Variants in DOCK5 observed in about 807,000 individuals in gnomAD.
DOCK5 encodes dedicator of cytokinesis protein 5.
DOCK5 carries 142 observed loss-of-function variants against 251.8 expected under a neutral mutation model. The ratio of observed to expected loss-of-function variants is 0.56; its 90% CI spans 0.49 to 0.65. The LOEUF is 0.65. DOCK5 is among the 30% of genes least tolerant of loss of function. DOCK5 has a pLI of 0.00. For synonymous variants in DOCK5, 842 were observed against 835.5 expected (o/e 1.01, Z -0.13); for missense variants, 2,111 against 2,312.3 (o/e 0.91, Z 1.79).
intron 42 of DOCK5, among the ~76,000 whole-genome samples, chr8:25,390,782 A>G (rs1465438609): frequency 6.6e-6 from 1 of 151,798 alleles, no homozygotes; most frequent in East Asian, 2.0e-4. Flanking sequence ...TAATGAGATC[A>G]CAAATGTATG....
intron 29 of DOCK5, 89 bp from the exon 30 acceptor site, chr8:25,364,537 G>C: frequency 1.1e-6 from 1 of 905,586 alleles, no homozygotes; most frequent in Non-Finnish European, 1.7e-6. Context: ...CCAAGTTCAG[G>C]TTTGGTTTGG....
chr8:25,314,259 G>T (rs1270086176), intron 13 of DOCK5, among the ~76,000 whole-genome samples: 1 of 151,522 alleles, frequency 6.6e-6, no homozygotes, highest in East Asian at 1.9e-4. Flanking sequence ...CTACAAGCAT[G>T]AGCCACCACA....
intron 29 of DOCK5, among the ~76,000 whole-genome samples, chr8:25,363,844 C>G: frequency 6.6e-6 from 1 of 152,254 alleles, no homozygotes; most frequent in East Asian, 1.9e-4. Context: ...AGCATTCCAG[C>G]TATTCCATAA....
chr8:25,328,402 T>TCAGGGAAAATGGGGTATTC (rs1805611545), intron 18 of DOCK5, among the ~76,000 whole-genome samples: 2 of 152,168 alleles, frequency 1.3e-5, no homozygotes, highest in African/African-American at 4.8e-5. Flanking sequence ...ATCACGAGCA[T>TCAGGGAAAATGGGGTATTC]CAGGGAAAAT....
At chr8:25,304,148 C>T in intron 10 of DOCK5, 107 bp from the exon 11 acceptor site, 1 of 935,078 alleles carries the variant, frequency 1.1e-6, no homozygotes, top group Non-Finnish European at 1.6e-6. Context: ...CTGCTTAGTA[C>T]CTTTCTTCCT....
intron 1 of DOCK5, among the ~76,000 whole-genome samples, chr8:25,219,087 C>A (rs948932009): frequency 1.3e-5 from 2 of 152,102 alleles, no homozygotes; most frequent in African/African-American, 4.8e-5. Flanking sequence ...TACTGACTTC[C>A]GCTATCTGTT....
chr8:25,230,927 A>T (rs1391649418), intron 1 of DOCK5, among the ~76,000 whole-genome samples: 8 of 152,172 alleles, frequency 5.3e-5, no homozygotes, highest in African/African-American at 1.9e-4. Flanking sequence ...AAGTACCTAC[A>T]TATCCCTGTC....
chr8:25,319,732 ATC>A, intron 15 of DOCK5, 56 bp downstream of exon 15: 1 of 1,316,514 alleles, frequency 7.6e-7, no homozygotes, highest in Non-Finnish European at 1.1e-6. Context: ...TTAGATTCCT[ATC>A]TTCTGTTTAC....
intron 36 of DOCK5, among the ~76,000 whole-genome samples, chr8:25,373,923 G>A (rs930261264): frequency 6.6e-6 from 1 of 152,212 alleles, no homozygotes; most frequent in African/African-American, 2.4e-5. Context: ...AGGAGAGGCT[G>A]TACAGGAAGA....
chr8:25,282,911 T>TTCTATA (rs1425823324), intron 5 of DOCK5, among the ~76,000 whole-genome samples: 1 of 147,240 alleles, frequency 6.8e-6, no homozygotes, highest in African/African-American at 2.5e-5. Context: ...AATCCCACAT[T>TTCTATA]TCTATAGTAC....
At chr8:25,311,102 C>G (rs574729453) in intron 13 of DOCK5, among the ~76,000 whole-genome samples, 20 of 152,146 alleles carry the variant, frequency 1.3e-4, no homozygotes, top group Non-Finnish European at 2.8e-4. Flanking sequence ...CATCTTCTTT[C>G]TAGTGATCTG....
At chr8:25,331,801 TAGAGAGAGAGAG>T (rs59239520) in intron 18 of DOCK5, among the ~76,000 whole-genome samples, 70,554 of 118,458 alleles carry the variant, frequency 0.6, 21,683 homozygotes, top group Non-Finnish European at 0.7. Flanking sequence ...TATATATATA[TAGAGAGAGAGAG>T]AGAGAGAGAG....
intron 3 of DOCK5, among the ~76,000 whole-genome samples, chr8:25,273,867 G>A (rs1232859327): frequency 6.6e-6 from 1 of 152,130 alleles, no homozygotes; most frequent in Non-Finnish European, 1.5e-5. Flanking sequence ...AATGAAAGAG[G>A]TCATTGTCAC....
intron 5 of DOCK5, among the ~76,000 whole-genome samples, chr8:25,283,556 T>G (rs1391034699): frequency 6.6e-6 from 1 of 152,204 alleles, no homozygotes; most frequent in Non-Finnish European, 1.5e-5. Context: ...AGCATGTGCT[T>G]TTGATGTTAT....
chr8:25,323,986 C>G (rs374249442), intron 17 of DOCK5, 35 bp downstream of exon 17: 4 of 1,551,116 alleles, frequency 2.6e-6, no homozygotes, highest in Non-Finnish European at 3.5e-6. Context: ...GAAAAATACT[C>G]CCTTTCAAAT....
At chr8:25,189,385 G>C (rs1299690243) in intron 1 of DOCK5, among the ~76,000 whole-genome samples, 1 of 151,874 alleles carries the variant, frequency 6.6e-6, no homozygotes, top group East Asian at 1.9e-4. Context: ...TTCTGAGACA[G>C]GGTCTCGTTC....
intron 26 of DOCK5, among the ~76,000 whole-genome samples, chr8:25,345,893 A>G (rs1200687610): frequency 1.3e-5 from 2 of 151,876 alleles, no homozygotes; most frequent in African/African-American, 4.8e-5. Flanking sequence ...TCTGTCGCCC[A>G]GGCTGGAGTG....
intron 1 of DOCK5, among the ~76,000 whole-genome samples, chr8:25,242,943 A>G (rs892745858): frequency 6.6e-5 from 10 of 152,320 alleles, no homozygotes; most frequent in Non-Finnish European, 8.8e-5. Context: ...ACTAGAGATC[A>G]TCAGTTCCGT....
chr8:25,254,773 C>CGAAAAAA (rs1803367911), intron 2 of DOCK5, among the ~76,000 whole-genome samples: 1 of 6,560 alleles, frequency 1.5e-4, no homozygotes, highest in Non-Finnish European at 2.8e-4. Context: ...GACTTTGTCT[C>CGAAAAAA]AAAAAAAAAC....
Sources: gnomAD v4.1 joint callset for allele counts (sites outside exome capture counted in the v4.1 genomes callset) on GRCh38, gnomAD v4.1.1 for gene constraint, MANE v1.5 for transcripts, NCBI Gene and HGNC (gene_info 2026-07-23, HGNC 2026-07-21) for gene names.